Variants in KCNIP4 observed in about 807,000 individuals in gnomAD.
KCNIP4 encodes Kv channel-interacting protein 4.
A neutral mutation model predicts 34.0 loss-of-function variants in KCNIP4; 12 were observed. That is an observed-to-expected ratio of 0.35 (90% confidence interval 0.23 to 0.57). The LOEUF (loss-of-function observed/expected upper bound fraction) is 0.57, where lower values mean the gene tolerates loss of function less well. Among genes scored for constraint, KCNIP4 ranks in the 20% least tolerant of loss-of-function variants. The pLI is 0.83. For synonymous variants in KCNIP4, 124 were observed against 102.2 expected (o/e 1.21, Z -1.29); for missense variants, 238 against 311.7 (o/e 0.76, Z 1.78).
intron 1 of KCNIP4, among the ~76,000 whole-genome samples, chr4:20,950,709 C>T (rs1732694498): frequency 6.6e-6 from 1 of 152,034 alleles, no homozygotes; most frequent in Non-Finnish European, 1.5e-5. Context: ...AGATTATAGC[C>T]TCTGAATCAG....
intron 1 of KCNIP4, among the ~76,000 whole-genome samples, chr4:20,931,951 AAC>A (rs1730521053): frequency 7.7e-6 from 1 of 129,442 alleles, no homozygotes; most frequent in Non-Finnish European, 1.6e-5. Context: ...AATAGTCTAT[AAC>A]AGTCTAATAT....
intron 1 of KCNIP4, among the ~76,000 whole-genome samples, chr4:20,929,836 G>A (rs1023670387): frequency 4.0e-5 from 6 of 149,854 alleles, no homozygotes; most frequent in Non-Finnish European, 5.9e-5. Flanking sequence ...TTTGTATACC[G>A]ATAACTATAA....
intron 1 of KCNIP4, among the ~76,000 whole-genome samples, chr4:21,136,865 T>A (rs1751536432): frequency 6.6e-6 from 1 of 152,278 alleles, no homozygotes; most frequent in African/African-American, 2.4e-5. Context: ...TCCTTGAGAA[T>A]CTTCCTCATT....
intron 1 of KCNIP4, among the ~76,000 whole-genome samples, chr4:21,839,684 T>A (rs1578055008): frequency 6.6e-6 from 1 of 151,990 alleles, no homozygotes; most frequent in African/African-American, 2.4e-5. Context: ...ACCTGGGAGG[T>A]GGAGGAGGTT....
chr4:21,273,827 T>C (rs1762291737), intron 1 of KCNIP4, among the ~76,000 whole-genome samples: 1 of 152,192 alleles, frequency 6.6e-6, no homozygotes, highest in Non-Finnish European at 1.5e-5. Flanking sequence ...ACTTCTATTA[T>C]TGCACTTTCC....
chr4:21,786,552 A>C (rs1560713497), intron 1 of KCNIP4, among the ~76,000 whole-genome samples: 2 of 148,816 alleles, frequency 1.3e-5, no homozygotes, highest in Non-Finnish European at 3.0e-5. Context: ...AGTGATTTTA[A>C]ACCAGCATAG....
chr4:21,930,177 A>T (rs578154976), intron 1 of KCNIP4, among the ~76,000 whole-genome samples: 1 of 152,140 alleles, frequency 6.6e-6, no homozygotes. Flanking sequence ...CATATCCTCA[A>T]GGATTCCGCT....
At chr4:21,351,496 C>A (rs1219750590) in intron 1 of KCNIP4, among the ~76,000 whole-genome samples, 1 of 152,150 alleles carries the variant, frequency 6.6e-6, no homozygotes, top group East Asian at 1.9e-4. Flanking sequence ...ACCATGAGTC[C>A]ATTACACTTA....
intron 1 of KCNIP4, among the ~76,000 whole-genome samples, chr4:21,794,698 TA>T (rs1456691792): frequency 1.3e-5 from 2 of 152,004 alleles, no homozygotes; most frequent in Non-Finnish European, 2.9e-5. Flanking sequence ...GTGACCAGTC[TA>T]AAACTCCAGC....
intron 2 of KCNIP4, among the ~76,000 whole-genome samples, chr4:20,868,309 C>A (rs2149506222): frequency 6.6e-6 from 1 of 152,148 alleles, no homozygotes; most frequent in East Asian, 1.9e-4. Context: ...CATCTCATAC[C>A]AGTCAGAATG....
At chr4:21,777,761 G>A (rs1186354881) in intron 1 of KCNIP4, among the ~76,000 whole-genome samples, 1 of 152,056 alleles carries the variant, frequency 6.6e-6, no homozygotes, top group Admixed American at 6.6e-5. Flanking sequence ...AAAACATACA[G>A]CTTTATTTGT....
At chr4:21,565,430 G>C (rs574771917) in intron 1 of KCNIP4, among the ~76,000 whole-genome samples, 4 of 152,158 alleles carry the variant, frequency 2.6e-5, no homozygotes, top group South Asian at 2.1e-4. Context: ...GGGTGTTAAG[G>C]CTTCAACATA....
At chr4:21,837,532 C>CAAAAAAAAAAAAAAAAAAA (rs60449238) in intron 1 of KCNIP4, among the ~76,000 whole-genome samples, 1 of 78,516 alleles carries the variant, frequency 1.3e-5, no homozygotes, top group Non-Finnish European at 2.2e-5. Context: ...AAAACGCTGT[C>CAAAAAAAAAAAAAAAAAAA]AAAAAAAAAA....
At chr4:21,528,838 A>AATTCAATTTT in intron 1 of KCNIP4, among the ~76,000 whole-genome samples, 1 of 145,470 alleles carries the variant, frequency 6.9e-6, no homozygotes, top group Admixed American at 6.9e-5. Context: ...GAAGGAAGGA[A>AATTCAATTTT]GGAAGGAAGG....
intron 1 of KCNIP4, among the ~76,000 whole-genome samples, chr4:21,647,713 G>T (rs886561591): frequency 6.6e-6 from 1 of 151,972 alleles, no homozygotes; most frequent in Admixed American, 6.6e-5. Context: ...CCATACACAA[G>T]ACATGAACTT....
Position 21,394,535 on chromosome 4 carries a change from T to C in KCNIP4, c.62-511826A>G, listed in dbSNP as rs965866838. Among the ~76,000 whole-genome samples the C allele has an allele frequency of 9.8e-5, 15 of 152,306 alleles. No homozygotes were observed. In the South Asian group the frequency reaches 1.7e-3, roughly 17 times the overall value. ...GGAACCCAGTATAAATATGCTGTCT[T>C]ATCCTGCAATGTTGCTAACCTGGGA... On this transcript the variant is annotated intron_variant, in intron 1 of 8. Transcript: ENST00000382152.
intron 3 of KCNIP4, among the ~76,000 whole-genome samples, chr4:20,806,941 G>A (rs1715178475): frequency 6.6e-6 from 1 of 152,024 alleles, no homozygotes; most frequent in Non-Finnish European, 1.5e-5. Context: ...TATCCAACTA[G>A]TAACATTCAT....
At chr4:20,778,275 A>G (rs1455833491) in intron 3 of KCNIP4, among the ~76,000 whole-genome samples, 4 of 152,222 alleles carry the variant, frequency 2.6e-5, no homozygotes, top group African/African-American at 4.8e-5. Context: ...CCTTATCTGT[A>G]AAATGGGACT....
rs1365237139 is a variant in KCNIP4, at chr4:21,373,608, A to G, written c.62-490899T>C. Among the ~76,000 whole-genome samples, 3 of 147,598 alleles carry G rather than the reference A, an allele frequency of 2.0e-5. No homozygotes were observed. In the East Asian group the frequency reaches 5.9e-4, roughly 29 times the overall value. On this transcript the variant is annotated intron_variant, in intron 1 of 8. Transcript: ENST00000382152. ...CCAAAAAATTTAAGGCCAAACTACA[A>G]AGGTTCATGGCCAGGTTCTGGCCCA... is the stretch of plus-strand genomic sequence containing the variant.
Sources: gnomAD v4.1 joint callset for allele counts (sites outside exome capture counted in the v4.1 genomes callset) on GRCh38, gnomAD v4.1.1 for gene constraint, MANE v1.5 for transcripts, NCBI Gene and HGNC (gene_info 2026-07-23, HGNC 2026-07-21) for gene names.